Variants in MAP7D2 observed in about 807,000 individuals in gnomAD.
MAP7D2 encodes the protein MAP7 domain containing 2.
Under a neutral mutation model 63.5 loss-of-function variants are expected in MAP7D2, and 33 were observed. That is an observed-to-expected ratio of 0.52 (90% CI 0.39 to 0.70). The LOEUF is 0.70. Among genes scored for constraint, MAP7D2 ranks in the 30% least tolerant of loss-of-function variants. The pLI, the probability that MAP7D2 is intolerant of heterozygous loss-of-function variation, is 0.00. For synonymous variants in MAP7D2, 224 were observed against 223.7 expected (o/e 1.00, Z -0.01); for missense variants, 626 against 604.0 (o/e 1.04, Z -0.38).
intron 7 of MAP7D2, 137 bp downstream of exon 7, chrX:20,044,227 T>C (rs1348164641): frequency 1.5e-6 from 1 of 678,684 alleles, no homozygotes; most frequent in Admixed American, 3.2e-5. Flanking sequence ...AATTTTGAAC[T>C]AAATCTACCC....
chrX:20,058,148 C>T (rs890791649), intron 3 of MAP7D2, among the ~76,000 whole-genome samples: 9 of 112,411 alleles, frequency 8.0e-5, no homozygotes, highest in African/African-American at 2.6e-4. Context: ...AGTATGCATG[C>T]CTTGGCAGAG....
At chrX:20,010,697 G>T in intron 16 of MAP7D2, 80 bp downstream of exon 16, 1 of 879,295 alleles carries the variant, frequency 1.1e-6, no homozygotes, top group Non-Finnish European at 1.6e-6. Context: ...GACCATCCAA[G>T]AGGCTGAGTG....
chrX:20,104,777 C>T (rs1156569403), intron 1 of MAP7D2, among the ~76,000 whole-genome samples: 1 of 112,115 alleles, frequency 8.9e-6, no homozygotes, highest in African/African-American at 3.2e-5. Flanking sequence ...AAGGCTGTCA[C>T]AGTATTTCAC....
chrX:20,098,220 A>G (rs2066324621), intron 1 of MAP7D2, among the ~76,000 whole-genome samples: 1 of 111,754 alleles, frequency 8.9e-6, no homozygotes, highest in African/African-American at 3.3e-5. Context: ...CCCATGAAGT[A>G]TTTCAGATAT....
intron 10 of MAP7D2, 89 bp from the exon 11 acceptor site, chrX:20,016,414 C>T: frequency 1.3e-6 from 1 of 768,663 alleles, no homozygotes; most frequent in Non-Finnish European, 1.9e-6. Flanking sequence ...GAATAATGCT[C>T]CACATGGTAA....
At chrX:20,050,767 G>A in intron 6 of MAP7D2, 57 bp downstream of exon 6, 3 of 1,108,534 alleles carry the variant, frequency 2.7e-6, no homozygotes, top group Non-Finnish European at 3.5e-6. Context: ...TAAATCCTAG[G>A]CTGACCAACA....
chrX:20,099,868 C>T (rs769102738), intron 1 of MAP7D2, among the ~76,000 whole-genome samples: 1 of 111,998 alleles, frequency 8.9e-6, no homozygotes, highest in East Asian at 2.8e-4. Context: ...AGTCAAGGCC[C>T]AAATTTCCTT....
chrX:20,060,428 GAGAGAGAAAGAAAGAAAGAAAGAA>G (rs1468231267), intron 3 of MAP7D2, among the ~76,000 whole-genome samples: 911 of 80,661 alleles, frequency 0.011, 13 homozygotes, highest in African/African-American at 0.038. Flanking sequence ...GAGAGAGAGA[GAGAGAGAAAGAAAGAAAGAAAGAA>G]AGAAAGAAAG....
chrX:20,013,065 G>C lies in MAP7D2; in HGVS notation c.1874C>G (p.Pro625Arg). ...GATGTCACACTCACCCATTTTGTTG[G>C]GGACAACCAGTTTTGTCTTCTTTTC... ...CVEKKTKLVV[P>R]NKMEINGLNT... Residue 625 changes from proline (P) to arginine (R), a missense_variant, in exon 14 of 17, where the codon CCC becomes CGC. Pro to Arg is a moderately radical substitution (Grantham distance 103, BLOSUM62 -2). Transcript: ENST00000379643. 1.7e-6 allele frequency: 2 copies of C among 1,209,663 alleles called. No homozygotes were observed. Among genetic ancestry groups the C allele is most frequent in the Non-Finnish European group, 2.2e-6 (2 of 893,815 alleles).
intron 1 of MAP7D2, among the ~76,000 whole-genome samples, chrX:20,093,992 A>G (rs978821267): frequency 5.6e-4 from 63 of 112,050 alleles, no homozygotes; most frequent in Non-Finnish European, 2.8e-4. Context: ...ACCACAACTA[A>G]AGGATGAGAA....
intron 3 of MAP7D2, among the ~76,000 whole-genome samples, chrX:20,059,984 G>A (rs1433922352): frequency 9.0e-6 from 1 of 110,514 alleles, no homozygotes; most frequent in Non-Finnish European, 1.9e-5. Flanking sequence ...ATGGGTGGTA[G>A]GGGGTGGCTG....
chrX:20,015,553 C>T (rs888913165), intron 11 of MAP7D2, among the ~76,000 whole-genome samples: 11 of 112,633 alleles, frequency 9.8e-5, no homozygotes, highest in Admixed American at 8.4e-4. Context: ...AGACAGTTCT[C>T]ACACATGGCC....
chrX:20,088,842 C>CT (rs1028983940), intron 1 of MAP7D2, among the ~76,000 whole-genome samples: 54 of 108,628 alleles, frequency 5.0e-4, no homozygotes, highest in African/African-American at 1.6e-3. Flanking sequence ...TCTTTTCTTT[C>CT]TTTTTTTTTG....
At chrX:20,042,923 G>A (rs760078958) in intron 7 of MAP7D2, among the ~76,000 whole-genome samples, 12 of 112,158 alleles carry the variant, frequency 1.1e-4, no homozygotes, top group East Asian at 8.3e-4. Context: ...ACTGAAAAGA[G>A]TATAAAAATG....
chrX:20,065,264 C>CTTT (rs779399409), intron 1 of MAP7D2, among the ~76,000 whole-genome samples: 2 of 91,448 alleles, frequency 2.2e-5, no homozygotes, highest in African/African-American at 4.0e-5. Flanking sequence ...GAACATTTTA[C>CTTT]TTTTTTTTTT....
chrX:20,014,718 C>A (rs1435956263), intron 12 of MAP7D2, among the ~76,000 whole-genome samples: 1 of 111,314 alleles, frequency 9.0e-6, no homozygotes, highest in Non-Finnish European at 1.9e-5. Flanking sequence ...TGGAGTTATT[C>A]TTTTTTCTAT....
At chrX:20,010,423 AAAT>A (rs2073153618) in intron 16 of MAP7D2, among the ~76,000 whole-genome samples, 1 of 111,614 alleles carries the variant, frequency 9.0e-6, no homozygotes, top group South Asian at 3.8e-4. Context: ...AGAGGTGGGG[AAAT>A]TCATCTTATT....
intron 8 of MAP7D2, among the ~76,000 whole-genome samples, chrX:20,030,528 C>T (rs1836663296): frequency 8.9e-6 from 1 of 111,906 alleles, no homozygotes; most frequent in African/African-American, 3.3e-5. Flanking sequence ...GCAAGAATAA[C>T]TCTCTGGAGA....
intron 1 of MAP7D2, among the ~76,000 whole-genome samples, chrX:20,082,976 G>A (rs1465992143): frequency 3.6e-5 from 4 of 112,026 alleles, no homozygotes; most frequent in East Asian, 2.8e-4. Context: ...ATGTGTAACC[G>A]CATTCAACAT....
Sources: gnomAD v4.1 joint callset for allele counts (sites outside exome capture counted in the v4.1 genomes callset) on GRCh38, gnomAD v4.1.1 for gene constraint, MANE v1.5 for transcripts, NCBI Gene and HGNC (gene_info 2026-07-23, HGNC 2026-07-21) for gene names.